Variants in HIBADH observed in about 807,000 individuals in gnomAD.
The protein encoded by HIBADH is 3-hydroxyisobutyrate dehydrogenase.
In HIBADH, 25 loss-of-function variants were observed where a neutral mutation model predicts 36.1. The observed-to-expected ratio is 0.69, with a 90% CI of 0.50 to 0.97. The LOEUF (loss-of-function observed/expected upper bound fraction) is 0.97, where lower values mean the gene tolerates loss of function less well. Ranked by LOEUF, HIBADH falls within the 50% of genes least tolerant of loss-of-function variation. The probability of loss-of-function intolerance (pLI) is 0.00; values close to 1 mark genes in which losing one functional copy is unlikely to be tolerated. For synonymous variants in HIBADH, 160 were observed against 149.5 expected, an observed-to-expected ratio of 1.07 and a Z score of -0.51; for missense variants, 421 against 418.0, an observed-to-expected ratio of 1.01 and a Z score of -0.06.
chr7:27,644,193 T>C (rs376998879), intron 2 of HIBADH, among the ~76,000 whole-genome samples: 2 of 152,092 alleles, frequency 1.3e-5, no homozygotes, highest in African/African-American at 4.8e-5. Context: ...TGGCCAGGCA[T>C]GGTGGCTCAC....
intron 4 of HIBADH, among the ~76,000 whole-genome samples, chr7:27,628,213 T>C (rs1785682769): frequency 1.3e-5 from 2 of 152,080 alleles, no homozygotes; most frequent in African/African-American, 4.8e-5. Flanking sequence ...TTTAAGTAAT[T>C]CAATATAACA....
intron 4 of HIBADH, among the ~76,000 whole-genome samples, chr7:27,611,040 A>G (rs1785312447): frequency 6.6e-6 from 1 of 152,210 alleles, no homozygotes; most frequent in Non-Finnish European, 1.5e-5. Context: ...TGCTTATTCT[A>G]AGAATGCCTC....
At chr7:27,600,357 G>A (rs909528172) in intron 4 of HIBADH, among the ~76,000 whole-genome samples, 1 of 151,980 alleles carries the variant, frequency 6.6e-6, no homozygotes, top group African/African-American at 2.4e-5. Context: ...GTCAGGCAAA[G>A]CTAAACTTGA....
At chr7:27,662,453 T>G (rs2128298699) in intron 1 of HIBADH, among the ~76,000 whole-genome samples, 1 of 151,764 alleles carries the variant, frequency 6.6e-6, no homozygotes, top group Non-Finnish European at 1.5e-5. Flanking sequence ...TCTTCCTAAA[T>G]CCCGAAAAGG....
At chr7:27,570,317 T>C (rs976751561) in intron 4 of HIBADH, among the ~76,000 whole-genome samples, 3 of 152,192 alleles carry the variant, frequency 2.0e-5, no homozygotes, top group Non-Finnish European at 4.4e-5. Flanking sequence ...TGGATGCAAA[T>C]TCTAAGGTGA....
At chr7:27,531,815 A>G (rs777127249) in intron 6 of HIBADH, among the ~76,000 whole-genome samples, 35 of 152,268 alleles carry the variant, frequency 2.3e-4, no homozygotes, top group Middle Eastern at 3.4e-3. Context: ...GAATGCATTT[A>G]TATGTATGTT....
Position 27,649,570 on chromosome 7 carries a change from T to C in HIBADH, c.155A>G (p.Asn52Ser), listed in dbSNP as rs1288961447. Residue 52 changes from asparagine (N) to serine (S), a missense_variant, in exon 2 of 8, where the codon AAT becomes AGT. By Grantham distance (46) the Asn-to-Ser change is conservative. Transcript: ENST00000265395. ...VGFIGLGNMG[N>S]PMAKNLMKHG... ...TTTCATGAGATTTTTTGCCATTGGA[T>C]TCCCCATGTTGCCCAGTCCAATGAA... The C allele has an allele frequency of 6.2e-7, 1 of 1,614,042 alleles. No individual in the cohort carries two copies. Among genetic ancestry groups the C allele is most frequent in the African/African-American group, 1.3e-5 (1 of 75,050 alleles).
intron 4 of HIBADH, among the ~76,000 whole-genome samples, chr7:27,623,811 T>A (rs1785588434): frequency 6.6e-6 from 1 of 152,202 alleles, no homozygotes; most frequent in Non-Finnish European, 1.5e-5. Flanking sequence ...TGTTTTTTGT[T>A]TTTTGAGACA....
chr7:27,662,275 C>T (rs998387384), intron 1 of HIBADH, among the ~76,000 whole-genome samples: 1 of 152,126 alleles, frequency 6.6e-6, no homozygotes, highest in Non-Finnish European at 1.5e-5. Flanking sequence ...CCAAGTGTGT[C>T]CCCAACCCAA....
chr7:27,548,390 G>A (rs145284957), intron 4 of HIBADH, among the ~76,000 whole-genome samples: 3 of 151,922 alleles, frequency 2.0e-5, no homozygotes, highest in Non-Finnish European at 2.9e-5. Flanking sequence ...GTGATGGTTG[G>A]GGGGAGGGAG....
chr7:27,574,409 T>G (rs16874319), intron 4 of HIBADH, among the ~76,000 whole-genome samples: 6,442 of 152,160 alleles, frequency 0.042, 436 homozygotes, highest in African/African-American at 0.15. Flanking sequence ...TTTAGGGATA[T>G]TCTCAATATA....
At chr7:27,553,515 A>G (rs1173262804) in intron 4 of HIBADH, among the ~76,000 whole-genome samples, 1 of 152,238 alleles carries the variant, frequency 6.6e-6, no homozygotes, top group Non-Finnish European at 1.5e-5. Context: ...ATGCTGAAAG[A>G]GCAACAGAAT....
chr7:27,536,297 T>C (rs1784069030), intron 6 of HIBADH, among the ~76,000 whole-genome samples: 1 of 152,118 alleles, frequency 6.6e-6, no homozygotes, highest in Non-Finnish European at 1.5e-5. Flanking sequence ...AAGCAATTCA[T>C]TGGTATAATC....
At chr7:27,661,753 T>A (rs906443612) in intron 1 of HIBADH, among the ~76,000 whole-genome samples, 2 of 152,018 alleles carry the variant, frequency 1.3e-5, no homozygotes, top group Admixed American at 1.3e-4. Context: ...TCTCAAACTT[T>A]CAGTTTGAGG....
chr7:27,566,062 A>G (rs1049485002), intron 4 of HIBADH, among the ~76,000 whole-genome samples: 7 of 152,094 alleles, frequency 4.6e-5, no homozygotes, highest in African/African-American at 7.2e-5. Context: ...TGCTGATTCA[A>G]TTTCTTAATA....
intron 3 of HIBADH, among the ~76,000 whole-genome samples, chr7:27,630,133 T>A (rs889042222): frequency 7.9e-5 from 12 of 152,296 alleles, no homozygotes; most frequent in African/African-American, 2.9e-4. Flanking sequence ...ATATACACTA[T>A]AAGGCAGTGT....
At chr7:27,651,578 T>C (rs548626361) in intron 1 of HIBADH, among the ~76,000 whole-genome samples, 74 of 152,344 alleles carry the variant, frequency 4.9e-4, no homozygotes, top group African/African-American at 1.6e-3. Context: ...AGGTGTAATT[T>C]AGCAATCTAA....
At chr7:27,632,580 CAAAAAA>C (rs143191859) in intron 2 of HIBADH, 135 bp from the exon 3 acceptor site, 25 of 200,816 alleles carry the variant, frequency 1.2e-4, no homozygotes, top group South Asian at 2.9e-4. Flanking sequence ...TGCAAATGAC[CAAAAAA>C]AAAAAAAAAA....
intron 4 of HIBADH, among the ~76,000 whole-genome samples, chr7:27,581,025 G>T (rs6946075): frequency 0.47 from 70,700 of 151,948 alleles, 17,604 homozygotes; most frequent in East Asian, 0.94. Context: ...AAAAGGAAAG[G>T]TCATCAGCTG....
Sources: allele counts gnomAD v4.1 joint callset (sites outside exome capture counted in the v4.1 genomes callset), GRCh38; gene constraint gnomAD v4.1.1; transcripts MANE v1.5; gene names NCBI Gene and HGNC (gene_info 2026-07-23, HGNC 2026-07-21).